UGT1A6: variants seen among roughly 807,000 people sequenced by gnomAD.
UGT1A6 encodes UDP-glucuronosyltransferase 1A6.
A neutral mutation model predicts 44.4 loss-of-function variants in UGT1A6; 32 were observed. That is an observed-to-expected ratio of 0.72 (90% CI 0.54 to 0.97). The LOEUF is 0.97. UGT1A6 is among the 50% of genes least tolerant of loss of function. The probability of loss-of-function intolerance (pLI) is 0.00; values close to 1 mark genes in which losing one functional copy is unlikely to be tolerated. For missense variants in UGT1A6, 685 were observed against 661.9 expected (o/e 1.03, Z -0.38); for synonymous variants, 238 against 248.5 (o/e 0.96, Z 0.40).
At chr2:233,741,668 T>C (rs1315003933) in intron 1 of UGT1A6, 1 of 151,924 alleles carries the variant, frequency 6.6e-6, no homozygotes, top group African/African-American at 2.4e-5. Context: ...GTTCCTGCTG[T>C]TTATTGCTTG....
At position 233,747,622 on chromosome 2, in the gene UGT1A6, T is replaced by C. The variant is rs1257068913; in HGVS notation, c.862-19412T>C. On this transcript the variant is annotated intron_variant, in intron 1 of 4. Coordinates refer to ENST00000305139, the MANE Select transcript of UGT1A6 (RefSeq NM_001072.4). ...GTGGAGCTACTGCATAATGAGGCCC[T>C]GATCAGGCACCTGAATGCTACTTCC... The C allele has an allele frequency of 4.4e-6, 7 of 1,577,454 alleles. No individual in the cohort carries two copies. The African/African-American group carries it at 8.2e-5, about 18-fold the overall frequency.
At chr2:233,760,280 A>G (rs1365658904) in intron 1 of UGT1A6, 1 of 1,612,818 alleles carries the variant, frequency 6.2e-7, no homozygotes, top group Non-Finnish European at 8.5e-7. Flanking sequence ...GGCAGGAGCA[A>G]AGGCGCCATG....
chr2:233,727,891 C>T (rs1001940161), intron 1 of UGT1A6, among the ~76,000 whole-genome samples: 27 of 152,186 alleles, frequency 1.8e-4, no homozygotes, highest in East Asian at 1.7e-3. Flanking sequence ...ATGGCAGACA[C>T]GGCCAGGCAA....
At chr2:233,768,584 T>C (rs1699663282) in intron 4 of UGT1A6, 145 bp downstream of exon 4, 3 of 86,896 alleles carry the variant, frequency 3.5e-5, no homozygotes, top group Non-Finnish European at 4.3e-5. Flanking sequence ...TATTTCTTCT[T>C]TTTTTTTTTT....
At chr2:233,744,078 C>T (rs1450419320) in intron 1 of UGT1A6, 2 of 455,950 alleles carry the variant, frequency 4.4e-6, no homozygotes, top group Non-Finnish European at 7.4e-6. Context: ...CGCCTCGCAT[C>T]CCAAGATGCA....
chr2:233,716,548 A>C (rs17864696), intron 1 of UGT1A6, among the ~76,000 whole-genome samples: 15,434 of 152,118 alleles, frequency 0.1, 897 homozygotes, highest in East Asian at 0.2. Context: ...CTCTCCTTAT[A>C]TTCCTTTTTT....
intron 1 of UGT1A6, chr2:233,712,961 G>A: frequency 6.2e-7 from 1 of 1,612,910 alleles, no homozygotes; most frequent in Non-Finnish European, 8.5e-7. Flanking sequence ...AACGTGGGGT[G>A]GACAGTCAGC....
chr2:233,736,579 A>C (rs2078778332), intron 1 of UGT1A6, among the ~76,000 whole-genome samples: 2 of 152,120 alleles, frequency 1.3e-5, no homozygotes. Flanking sequence ...GATCCTTTGG[A>C]GGAGATGTGC....
At chr2:233,691,746 C>T (rs186063545), upstream of UGT1A6, 40 of 577,626 alleles carry the variant, frequency 6.9e-5, no homozygotes, top group East Asian at 5.4e-3. Context: ...AGATACCAGG[C>T]TTTCTGACTC....
intron 1 of UGT1A6, among the ~76,000 whole-genome samples, chr2:233,757,557 T>C (rs1380539575): frequency 8.0e-6 from 1 of 124,464 alleles, no homozygotes; most frequent in Non-Finnish European, 1.7e-5. Context: ...TATATATATA[T>C]ATATGTATAT....
chr2:233,726,757 A>G (rs544235681), intron 1 of UGT1A6, among the ~76,000 whole-genome samples: 1 of 152,352 alleles, frequency 6.6e-6, no homozygotes, highest in African/African-American at 2.4e-5. Flanking sequence ...TCTGCCTACC[A>G]CAGACACTAA....
chr2:233,766,051 C>T (rs552293215), intron 1 of UGT1A6, among the ~76,000 whole-genome samples: 2 of 152,294 alleles, frequency 1.3e-5, no homozygotes, highest in African/African-American at 2.4e-5. Flanking sequence ...CTTGTGTTAA[C>T]CAGCTCAATT....
chr2:233,716,724 T>C (rs908314091), intron 1 of UGT1A6, among the ~76,000 whole-genome samples: 3 of 152,214 alleles, frequency 2.0e-5, no homozygotes, highest in African/African-American at 7.2e-5. Flanking sequence ...TTCCAGTTTA[T>C]ATGTTTAGCT....
Position 233,766,771 on chromosome 2 carries a change from C to T in UGT1A6, c.862-263C>T, listed in dbSNP as rs71528513. ...GTGCATGTGTGTGCATGTACCTGTG[C>T]TTTTCTTTTGGAAAACTAGCACATT... On this transcript the variant is annotated intron_variant, in intron 1 of 4. Transcript: ENST00000305139. 5.2e-3 allele frequency among the ~76,000 whole-genome samples: 785 copies of T among 152,286 alleles called. 3 individuals are homozygous for T. The highest frequency in any genetic ancestry group is 8.7e-3 in the Non-Finnish European group (595 of 68,032).
intron 1 of UGT1A6, among the ~76,000 whole-genome samples, chr2:233,730,785 G>C (rs1273458809): frequency 1.3e-5 from 2 of 152,122 alleles, no homozygotes; most frequent in Non-Finnish European, 2.9e-5. Flanking sequence ...TGAAGCTGGG[G>C]ACAGTGATGA....
chr2:233,760,825 G>C lies in UGT1A6; in HGVS notation c.862-6209G>C, dbSNP rs1657628450. The C allele has an allele frequency of 2.5e-6, 4 of 1,613,330 alleles. No homozygotes were observed. The Admixed American group carries it at 5.0e-5, about 20-fold the overall frequency. On this transcript the variant is annotated intron_variant, in intron 1 of 4. Coordinates refer to ENST00000305139, the MANE Select transcript of UGT1A6 (RefSeq NM_001072.4). ...CTTGCATGCACTGCCATGCAGCCTG[G>C]AATTTGAGGCTACCCAGTGCCCCAA...
rs1316951869 is a variant in UGT1A6 at position 233,743,957 on chromosome 2, A to G, written c.862-23077A>G. ...CGGCCCACCAGGCACTGGCACAGCG[A>G]GCGGCAAGGCTGCCAGCACCCAGGC... is the stretch of plus-strand genomic sequence containing the variant. On this transcript the variant is annotated intron_variant, in intron 1 of 4. Coordinates refer to ENST00000305139, the MANE Select transcript of UGT1A6 (RefSeq NM_001072.4). 4 of 1,338,466 alleles carry G rather than the reference A, an allele frequency of 3.0e-6. No individual in the cohort carries two copies. The Admixed American group carries it at 8.0e-5, about 27-fold the overall frequency. The allele number at this position is 1,338,466 out of a possible 1,614,324, so 82.9% of individuals were successfully genotyped here.
chr2:233,694,363 T>C (rs2075217598), intron 1 of UGT1A6, among the ~76,000 whole-genome samples: 1 of 151,732 alleles, frequency 6.6e-6, no homozygotes, highest in Admixed American at 6.6e-5. Context: ...CTAAGAATGG[T>C]TTTTGTAGTT....
At chr2:233,743,699 G>C (rs780880081) in intron 1 of UGT1A6, 1 of 1,367,268 alleles carries the variant, frequency 7.3e-7, no homozygotes, top group Non-Finnish European at 9.8e-7. Flanking sequence ...GCCGCCCTCC[G>C]CCCCCGCCTC....
Sources: allele counts gnomAD v4.1 joint callset (sites outside exome capture counted in the v4.1 genomes callset), GRCh38; gene constraint gnomAD v4.1.1; transcripts MANE v1.5; gene names NCBI Gene and HGNC (gene_info 2026-07-23, HGNC 2026-07-21).